ST8SIA6: variants seen among roughly 807,000 people sequenced by gnomAD.
ST8SIA6 encodes ST8 alpha-N-acetyl-neuraminide alpha-2,8-sialyltransferase 6, also known as alpha-2,8-sialyltransferase 8F.
A neutral mutation model predicts 33.6 loss-of-function variants in ST8SIA6; 39 were observed. That is an observed-to-expected ratio of 1.16 (90% confidence interval 0.90 to 1.52). The LOEUF (loss-of-function observed/expected upper bound fraction) is 1.52. Ranked by LOEUF, ST8SIA6 falls within the 40% of genes most tolerant of loss-of-function variation. The probability of loss-of-function intolerance (pLI) is 0.00; values close to 1 mark genes in which losing one functional copy is unlikely to be tolerated. For synonymous variants in ST8SIA6, 172 were observed against 167.2 expected, an observed-to-expected ratio of 1.03 and a Z score of -0.22; for missense variants, 441 against 443.8, an observed-to-expected ratio of 0.99 and a Z score of 0.06.
chr10:17,389,797 AGTAT>A (rs1377806866), intron 3 of ST8SIA6, among the ~76,000 whole-genome samples: 2 of 152,144 alleles, frequency 1.3e-5, no homozygotes, highest in African/African-American at 4.8e-5. Context: ...AAGTTTAGCC[AGTAT>A]AACTACATGG....
At chr10:17,363,549 C>T (rs1413646436) in intron 3 of ST8SIA6, among the ~76,000 whole-genome samples, 1 of 152,160 alleles carries the variant, frequency 6.6e-6, no homozygotes, top group African/African-American at 2.4e-5. Flanking sequence ...TTTCTCAGCC[C>T]TCTTTGTTGG....
intron 4 of ST8SIA6, among the ~76,000 whole-genome samples, chr10:17,344,790 A>C (rs1360782575): frequency 1.3e-5 from 2 of 152,172 alleles, no homozygotes; most frequent in African/African-American, 4.8e-5. Context: ...AGCCAGATAC[A>C]GGTTAAGGGG....
At chr10:17,406,861 C>G (rs1851284283) in intron 2 of ST8SIA6, among the ~76,000 whole-genome samples, 1 of 144,304 alleles carries the variant, frequency 6.9e-6, no homozygotes, top group African/African-American at 2.6e-5. Context: ...ACGGTGCAAT[C>G]TCAGCTCACC....
intron 5 of ST8SIA6, 87 bp from the exon 6 acceptor site, chr10:17,327,213 T>A: frequency 1.0e-6 from 1 of 963,394 alleles, no homozygotes; most frequent in South Asian, 1.5e-5. Context: ...CTTAACTCTT[T>A]ATACATGCTA....
intron 2 of ST8SIA6, among the ~76,000 whole-genome samples, chr10:17,393,241 C>T (rs1850684566): frequency 6.6e-6 from 1 of 152,204 alleles, no homozygotes; most frequent in African/African-American, 2.4e-5. Context: ...CTGAGCTACG[C>T]CACTGGCTTT....
At chr10:17,419,448 C>A (rs1018050207) in intron 2 of ST8SIA6, among the ~76,000 whole-genome samples, 4 of 151,852 alleles carry the variant, frequency 2.6e-5, no homozygotes, top group Non-Finnish European at 5.9e-5. Flanking sequence ...GGGAGGATGG[C>A]TTGAGGGGGA....
intron 4 of ST8SIA6, 115 bp downstream of exon 4, chr10:17,359,399 C>T: frequency 1.4e-6 from 1 of 692,856 alleles, no homozygotes; most frequent in Non-Finnish European, 2.4e-6. Flanking sequence ...CAGTTGGCCT[C>T]ATTGCCAGCT....
chr10:17,393,649 C>T (rs938599003), intron 2 of ST8SIA6, among the ~76,000 whole-genome samples: 2 of 152,170 alleles, frequency 1.3e-5, no homozygotes, highest in South Asian at 2.1e-4. Context: ...CTGTGTCCAT[C>T]GGCAGGCAGA....
chr10:17,359,556 C>G lies in ST8SIA6; in HGVS notation c.335G>C (p.Ser112Thr). ...TTCTGCTTGCCGTTTCCATGGACAA[C>G]TCTGTATATCTGTGATAATCTGAAG... is the stretch of plus-strand genomic sequence containing the variant. ...DYLQIITDIQ[S>T]CPWKRQAEEY... Residue 112 changes from serine to threonine, a missense_variant, in exon 4 of 8, where the codon AGT (serine) becomes ACT (threonine). Physicochemically the swap from Ser to Thr is moderately conservative, Grantham distance 58. Transcript: ENST00000377602. 1.9e-6 allele frequency: 3 copies of G among 1,607,734 alleles called. No individual in the cohort carries two copies. The highest frequency in any genetic ancestry group is 2.2e-5 in the South Asian group (2 of 89,200).
chr10:17,374,041 A>G (rs983610232), intron 3 of ST8SIA6, among the ~76,000 whole-genome samples: 11 of 145,752 alleles, frequency 7.5e-5, no homozygotes, highest in African/African-American at 2.5e-4. Context: ...GATTAGGATT[A>G]TGCTAGTTAT....
intron 2 of ST8SIA6, among the ~76,000 whole-genome samples, chr10:17,416,139 C>A (rs1588904561): frequency 6.6e-6 from 1 of 152,046 alleles, no homozygotes; most frequent in Non-Finnish European, 1.5e-5. Flanking sequence ...TCAAGAACAC[C>A]TGACCCAGTC....
At chr10:17,322,327 AATATAG>A (rs1334339065) in intron 7 of ST8SIA6, among the ~76,000 whole-genome samples, 1 of 152,166 alleles carries the variant, frequency 6.6e-6, no homozygotes, top group African/African-American at 2.4e-5. Flanking sequence ...TCTAAATGCA[AATATAG>A]ATATACGTAT....
At chr10:17,445,759 C>T (rs1429168162) in intron 2 of ST8SIA6, among the ~76,000 whole-genome samples, 3 of 152,056 alleles carry the variant, frequency 2.0e-5, no homozygotes, top group South Asian at 2.1e-4. Context: ...TGAAAGGAAA[C>T]GGGAAAGGGA....
intron 2 of ST8SIA6, among the ~76,000 whole-genome samples, chr10:17,434,478 G>T (rs532615774): frequency 6.6e-6 from 1 of 152,162 alleles, no homozygotes; most frequent in African/African-American, 2.4e-5. Flanking sequence ...CCTTTTGACT[G>T]TGTGCTAAGA....
At position 17,440,398 on chromosome 10, in the gene ST8SIA6, G is replaced by A. The variant is rs112260210; in HGVS notation, c.200+13161C>T. 4.6e-5 allele frequency among the ~76,000 whole-genome samples: 7 copies of A among 152,096 alleles called. No homozygotes were observed. The East Asian group carries it at 1.2e-3, about 25-fold the overall frequency. On this transcript the variant is annotated intron_variant, in intron 2 of 7. Coordinates refer to ENST00000377602, the MANE Select transcript of ST8SIA6 (RefSeq NM_001004470.3). Reference sequence around the variant, plus strand: ...TTTTTGTATTTTTAGTAGAGACGAGGTTTCACTATGTTGGCCAGGATGGTC... The same window carrying A: ...TTTTTGTATTTTTAGTAGAGACGAGATTTCACTATGTTGGCCAGGATGGTC...
At chr10:17,398,851 C>T (rs1329896750) in intron 2 of ST8SIA6, among the ~76,000 whole-genome samples, 3 of 152,084 alleles carry the variant, frequency 2.0e-5, no homozygotes, top group Non-Finnish European at 2.9e-5. Flanking sequence ...CTGACCTGCC[C>T]CTGGGACAGA....
At chr10:17,428,743 T>C (rs1198124726) in intron 2 of ST8SIA6, among the ~76,000 whole-genome samples, 1 of 152,006 alleles carries the variant, frequency 6.6e-6, no homozygotes, top group Non-Finnish European at 1.5e-5. Flanking sequence ...TGAAGAGCAG[T>C]GCCAAGAAGC....
chr10:17,446,517 T>G (rs1588935900), intron 2 of ST8SIA6, among the ~76,000 whole-genome samples: 2 of 152,156 alleles, frequency 1.3e-5, no homozygotes, highest in African/African-American at 2.4e-5. Flanking sequence ...ATGTAACCAA[T>G]TTACTGTTTT....
chr10:17,440,306 A>G (rs1852430249), intron 2 of ST8SIA6, among the ~76,000 whole-genome samples: 1 of 151,250 alleles, frequency 6.6e-6, no homozygotes, highest in Non-Finnish European at 1.5e-5. Flanking sequence ...CCCGGGCTCA[A>G]GCAATTCTCC....
Sources: gnomAD v4.1 joint callset for allele counts (sites outside exome capture counted in the v4.1 genomes callset) on GRCh38, gnomAD v4.1.1 for gene constraint, MANE v1.5 for transcripts, NCBI Gene and HGNC (gene_info 2026-07-23, HGNC 2026-07-21) for gene names.